Variants in ENPP1 observed in about 807,000 individuals in gnomAD.
ENPP1 encodes ectonucleotide pyrophosphatase/phosphodiesterase family member 1.
In ENPP1, 73 loss-of-function variants were observed where a neutral mutation model predicts 122.8. The observed-to-expected ratio is 0.59, with a 90% CI of 0.49 to 0.72. The LOEUF is 0.72. Ranked by LOEUF, ENPP1 falls within the 30% of genes least tolerant of loss-of-function variation. ENPP1 has a pLI of 0.00. For synonymous variants in ENPP1, 367 were observed against 391.6 expected (o/e 0.94, Z 0.74); for missense variants, 978 against 1,128.1 (o/e 0.87, Z 1.91).
intron 1 of ENPP1, among the ~76,000 whole-genome samples, chr6:131,843,022 C>G (rs535766965): frequency 6.6e-6 from 1 of 152,008 alleles, no homozygotes; most frequent in South Asian, 2.1e-4. Context: ...TTCTTGTTTT[C>G]TAAGATAAGA....
chr6:131,810,829 A>C (rs1214224174), intron 1 of ENPP1, among the ~76,000 whole-genome samples: 3 of 152,046 alleles, frequency 2.0e-5, no homozygotes, highest in Non-Finnish European at 4.4e-5. Context: ...GATGTGTGAG[A>C]GTGGATGAAG....
intron 24 of ENPP1, among the ~76,000 whole-genome samples, chr6:131,889,594 A>G (rs550847352): frequency 5.9e-5 from 9 of 152,264 alleles, no homozygotes; most frequent in South Asian, 2.1e-4. Flanking sequence ...CATGGTATAC[A>G]TGTACCACAT....
At chr6:131,829,207 A>T (rs1781581461) in intron 1 of ENPP1, among the ~76,000 whole-genome samples, 1 of 152,254 alleles carries the variant, frequency 6.6e-6, no homozygotes, top group Non-Finnish European at 1.5e-5. Context: ...TGCACCATTA[A>T]TAAAACTGCT....
chr6:131,862,732 C>T (rs879661732), intron 9 of ENPP1, among the ~76,000 whole-genome samples: 105 of 152,284 alleles, frequency 6.9e-4, no homozygotes, highest in African/African-American at 2.4e-3. Context: ...ATATCTCAAG[C>T]GCTCATCTGA....
chr6:131,885,511 CTG>C (rs989437714), intron 23 of ENPP1, among the ~76,000 whole-genome samples: 4 of 152,060 alleles, frequency 2.6e-5, no homozygotes, highest in Non-Finnish European at 4.4e-5. Flanking sequence ...TTTTACCCAA[CTG>C]TGGCTGGAGG....
chr6:131,873,813 C>G lies in ENPP1; in HGVS notation c.1566-455C>G, dbSNP rs9375835. ...ATTGGAGAGCTGGGCTTTTAGTTTT[C>G]AAAAAATATATATATATATGAAAGG... On this transcript the variant is annotated intron_variant, in intron 15 of 24. Coordinates refer to ENST00000647893, the MANE Select transcript of ENPP1 (RefSeq NM_006208.3). 5.0e-3 allele frequency among the ~76,000 whole-genome samples: 764 copies of G among 151,636 alleles called. 21 individuals are homozygous for G. Among genetic ancestry groups the G allele is most frequent in the East Asian group, 0.044 (227 of 5,156 alleles).
At chr6:131,847,947 A>G (rs1781834014) in intron 2 of ENPP1, 99 bp downstream of exon 2, 12 of 904,644 alleles carry the variant, frequency 1.3e-5, no homozygotes, top group Admixed American at 3.9e-5. Flanking sequence ...ATTATCTCCT[A>G]TTCCTATGGG....
intron 1 of ENPP1, among the ~76,000 whole-genome samples, chr6:131,809,870 A>G (rs552731360): frequency 1.3e-4 from 20 of 152,358 alleles, no homozygotes; most frequent in Non-Finnish European, 2.2e-4. Flanking sequence ...CCTGCAGTCA[A>G]CTGGTCAAAC....
intron 1 of ENPP1, among the ~76,000 whole-genome samples, chr6:131,810,341 C>T (rs537134442): frequency 6.6e-6 from 1 of 152,056 alleles, no homozygotes; most frequent in Non-Finnish European, 1.5e-5. Flanking sequence ...TTGGGTGACA[C>T]GGTGAGACCC....
chr6:131,834,505 A>G (rs990563332), intron 1 of ENPP1, among the ~76,000 whole-genome samples: 6 of 150,232 alleles, frequency 4.0e-5, no homozygotes, highest in Non-Finnish European at 8.9e-5. Context: ...AATCTTATGC[A>G]TGTACATATT....
At chr6:131,868,964 A>G (rs1782123255) in intron 12 of ENPP1, among the ~76,000 whole-genome samples, 1 of 152,174 alleles carries the variant, frequency 6.6e-6, no homozygotes, top group Non-Finnish European at 1.5e-5. Context: ...AAGCAGTCCT[A>G]AGAAGTTACA....
At chr6:131,874,242 T>G in intron 15 of ENPP1, 26 bp from the exon 16 acceptor site, 2 of 1,326,312 alleles carry the variant, frequency 1.5e-6, no homozygotes, top group South Asian at 1.2e-5. Context: ...GACTTTACAT[T>G]TTTAATTCAT....
chr6:131,846,276 A>C (rs545409396), intron 1 of ENPP1, among the ~76,000 whole-genome samples: 2 of 152,216 alleles, frequency 1.3e-5, no homozygotes, highest in African/African-American at 4.8e-5. Flanking sequence ...CGGAAATACT[A>C]CACCATCTTT....
chr6:131,848,222 A>G (rs2224262), intron 2 of ENPP1, among the ~76,000 whole-genome samples: 24 of 152,288 alleles, frequency 1.6e-4, no homozygotes, highest in African/African-American at 5.1e-4. Context: ...ACCTGTCAGT[A>G]TGTGCTCTTA....
chr6:131,863,514 C>A (rs1266181092), intron 9 of ENPP1, among the ~76,000 whole-genome samples: 1 of 152,030 alleles, frequency 6.6e-6, no homozygotes, highest in African/African-American at 2.4e-5. Flanking sequence ...AGCAATTTTC[C>A]TTGTGATCTT....
rs62424521 is a variant in ENPP1, at chr6:131,878,279, C to T, written c.1894-263C>T. ...GGCATGGTGACATATGCCTGGAGTC[C>T]CATTTACTTGGGAGCCTGAGGTGGG... On this transcript the variant is annotated intron_variant, in intron 18 of 24. Coordinates refer to ENST00000647893, the MANE Select transcript of ENPP1 (RefSeq NM_006208.3). 2.1e-3 allele frequency among the ~76,000 whole-genome samples: 313 copies of T among 152,034 alleles called. 4 individuals carry two copies. Among genetic ancestry groups the T allele is most frequent in the Middle Eastern group, 6.8e-3 (2 of 294 alleles).
At chr6:131,843,693 A>C (rs1484353894) in intron 1 of ENPP1, among the ~76,000 whole-genome samples, 53 of 128,146 alleles carry the variant, frequency 4.1e-4, no homozygotes, top group Middle Eastern at 4.0e-3. Flanking sequence ...TCCCACTTCC[A>C]CTCTTAGAAT....
At chr6:131,861,520 G>A in intron 8 of ENPP1, 75 bp from the exon 9 acceptor site, 2 of 911,074 alleles carry the variant, frequency 2.2e-6, no homozygotes, top group African/African-American at 1.6e-5. Flanking sequence ...ATGCATTGGT[G>A]TGGTATGAAT....
At chr6:131,883,839 T>C in intron 22 of ENPP1, 65 bp downstream of exon 22, 1 of 828,444 alleles carries the variant, frequency 1.2e-6, no homozygotes, top group Non-Finnish European at 2.1e-6. Context: ...GCATAATTCA[T>C]ATGTAATAGG....
Sources: gnomAD v4.1 joint callset for allele counts (sites outside exome capture counted in the v4.1 genomes callset) on GRCh38, gnomAD v4.1.1 for gene constraint, MANE v1.5 for transcripts, NCBI Gene and HGNC (gene_info 2026-07-23, HGNC 2026-07-21) for gene names.